The following PARK7 variants were observed in gnomAD, a reference collection of about 807,000 sequenced individuals.
PARK7 encodes the protein Parkinson disease protein 7.
In PARK7, 14 loss-of-function variants were observed where a neutral mutation model predicts 20.5. The ratio of observed to expected loss-of-function variants is 0.68; its 90% CI spans 0.45 to 1.07. The LOEUF is 1.07. Among genes scored for constraint, PARK7 ranks in the 50% least tolerant of loss-of-function variants. The pLI is 0.00. For missense variants in PARK7, 234 were observed against 238.1 expected (o/e 0.98, Z 0.11); for synonymous variants, 98 against 84.3 (o/e 1.16, Z -0.89).
intron 5 of PARK7, among the ~76,000 whole-genome samples, chr1:7,976,329 A>T (rs1640583273): frequency 6.6e-6 from 1 of 152,220 alleles, no homozygotes; most frequent in Non-Finnish European, 1.5e-5. Flanking sequence ...CTTAGAGGAA[A>T]AAGGTAGAAT....
In PARK7 at chr1:7,984,983, G is replaced by A. The variant is rs748211203; in HGVS notation, c.499G>A (p.Ala167Thr). 6 of 1,614,222 alleles carry A rather than the reference G, an allele frequency of 3.7e-6. No individual in the cohort carries two copies. The South Asian group carries it at 5.5e-5, about 15-fold the overall frequency. ...GPGTSFEFAL[A>T]IVEALNGKEV... ...TGGGACCAGCTTCGAGTTTGCGCTT[G>A]CAATTGTTGAAGCCCTGAATGGCAA... Residue 167 changes from alanine (A) to threonine (T), a missense_variant, in exon 7 of 7, where the codon GCA (alanine) becomes ACA (threonine). Physicochemically the swap from Ala to Thr is moderately conservative, Grantham distance 58. Transcript: ENST00000338639. This position sits in a 1 kb window ranked among gnomAD's most constrained non-coding sequence, Gnocchi z 4.3.
Position 7,969,347 on chromosome 1 carries a change from A to G in PARK7, c.195A>G (p.Gly65=). ...CTTTATGTTTTAAACTGTTACAGGG[A>G]CCATATGATGTGGTGGTTCTACCAG... is the stretch of plus-strand genomic sequence containing the variant. ...DASLEDAKKE[G]PYDVVVLPGG... is the part of the protein sequence containing the mutation. The change falls in exon 4 of 7, where the codon GGA becomes GGG. Residue 65 remains glycine (G), a splice_region_variant and synonymous_variant. Transcript: ENST00000338639. 1.2e-6 allele frequency: 2 copies of G among 1,611,100 alleles called. No homozygotes were observed. The highest frequency in any genetic ancestry group is 8.5e-7 in the Non-Finnish European group (1 of 1,177,934).
At chr1:7,977,836 T>A in intron 6 of PARK7, 98 bp downstream of exon 6, 1 of 989,562 alleles carries the variant, frequency 1.0e-6, no homozygotes, top group Non-Finnish European at 1.6e-6. Flanking sequence ...CTTGGCTTAC[T>A]GCAATCCCTG....
chr1:7,985,203 CAG>C lies in PARK7; in HGVS notation c.*153_*154del, dbSNP rs756195290. 1.9e-6 allele frequency: 2 copies of C among 1,045,324 alleles called. No individual in the cohort carries two copies. The highest frequency in any genetic ancestry group is 1.6e-5 in the African/African-American group (1 of 63,268). The allele number at this position is 1,045,324 out of a possible 1,614,324, so 64.8% of individuals were successfully genotyped here. On this transcript the variant is annotated 3_prime_UTR_variant, in exon 7 of 7. Transcript: ENST00000338639. ...CGGAAGTATGGAAGTCACAACTACA[CAG>C]AGATTTCTCAGCCTACAAATTGTGT... is the stretch of plus-strand genomic sequence containing the variant.
At chr1:7,965,663 A>G (rs325960) in intron 3 of PARK7, among the ~76,000 whole-genome samples, 1 of 152,038 alleles carries the variant, frequency 6.6e-6, no homozygotes, top group African/African-American at 2.4e-5. Flanking sequence ...GGCCGGTTGG[A>G]TGTGTGGCCA....
chr1:7,963,010 A>G lies in PARK7; in HGVS notation c.90+135A>G, dbSNP rs1047034065. ...AAAATTTCAGAGATGACATAAGAAT[A>G]AATACCTGTTGATCCACTGCTCACA... On this transcript the variant is annotated intron_variant, in intron 2 of 6. Transcript: ENST00000338639. 5 of 753,524 alleles carry G rather than the reference A, an allele frequency of 6.6e-6. No homozygotes were observed. The African/African-American group carries it at 6.9e-5, about 10-fold the overall frequency. 46.7% of individuals were successfully genotyped at this position (753,524 alleles called of 1,614,324 possible). A position where few individuals can be genotyped will look rare whatever the true frequency, so the allele number is the denominator to read the frequency against.
At chr1:7,974,032 G>GGCT (rs775767070) in intron 5 of PARK7, among the ~76,000 whole-genome samples, 1 of 152,068 alleles carries the variant, frequency 6.6e-6, no homozygotes, top group Non-Finnish European at 1.5e-5. Context: ...TAAACAGGCT[G>GGCT]GCTGTGGTGG....
intron 5 of PARK7, among the ~76,000 whole-genome samples, chr1:7,972,357 A>G (rs1486192895): frequency 6.6e-6 from 1 of 152,160 alleles, no homozygotes; most frequent in African/African-American, 2.4e-5. Context: ...AGTCCCAGCT[A>G]CTCAGGAGGC....
intron 5 of PARK7, among the ~76,000 whole-genome samples, chr1:7,976,548 T>C (rs1269239513): frequency 6.6e-6 from 1 of 152,162 alleles, no homozygotes; most frequent in Non-Finnish European, 1.5e-5. Context: ...TCCATGTGGT[T>C]CTTTGCTTAA....
Position 7,962,801 on chromosome 1 carries a change from G to C in PARK7, c.16G>C (p.Ala6Pro). The change falls in exon 2 of 7, where the codon GCT becomes CCT. Residue 6 changes from alanine (A) to proline (P), a missense_variant. By Grantham distance (27) the Ala-to-Pro change is conservative. Transcript: ENST00000338639. Reference sequence around the variant, plus strand: ...TAACATAAAAATGGCTTCCAAAAGAGCTCTGGTCATCCTGGCTAAAGGAGC... The same window carrying C: ...TAACATAAAAATGGCTTCCAAAAGACCTCTGGTCATCCTGGCTAAAGGAGC... MASKRALVILAKGAEE... is the reference protein window; with the variant it reads MASKRPLVILAKGAEE... 6.2e-7 allele frequency: 1 copy of C among 1,608,856 alleles called. No individual in the cohort carries two copies. The highest frequency in any genetic ancestry group is 1.4e-5 in the African/African-American group (1 of 73,614).
At chr1:7,969,443 G>GT in intron 4 of PARK7, 39 bp downstream of exon 4, 1 of 1,097,546 alleles carries the variant, frequency 9.1e-7, no homozygotes, top group South Asian at 1.3e-5. Flanking sequence ...ATAAAGCTGG[G>GT]GGGGGGGAAA....
chr1:7,983,585 G>A (rs1215995887), intron 6 of PARK7, among the ~76,000 whole-genome samples: 1 of 152,254 alleles, frequency 6.6e-6, no homozygotes. Flanking sequence ...ACCGCAGAGG[G>A]CTCCAGGCCC....
intron 3 of PARK7, among the ~76,000 whole-genome samples, chr1:7,965,778 A>G (rs1280721726): frequency 6.6e-6 from 1 of 152,130 alleles, no homozygotes; most frequent in Non-Finnish European, 1.5e-5. Context: ...TTTACCTGAC[A>G]TAAATCAACT....
intron 4 of PARK7, 127 bp downstream of exon 4, chr1:7,969,531 A>G (rs1640411447): frequency 1.3e-6 from 1 of 755,752 alleles, no homozygotes; most frequent in South Asian, 1.6e-5. Context: ...GGCTGTGAAA[A>G]AAAAATAGAA....
chr1:7,974,582 T>C (rs1275451020), intron 5 of PARK7, among the ~76,000 whole-genome samples: 12 of 151,512 alleles, frequency 7.9e-5, no homozygotes, highest in Admixed American at 6.6e-4. Flanking sequence ...TGAGCCGAGA[T>C]TGCGCCACTG....
rs542591292 is a variant in PARK7 at position 7,975,478 on chromosome 1, A to C, written c.323-2174A>C. On this transcript the variant is annotated intron_variant, in intron 5 of 6. Transcript: ENST00000338639. The stretch of plus-strand genomic sequence containing the variant: ...GTGGTGCTGTTGGCTGCAGAAGGGG[A>C]CATGGTCAGCTGCGCCCTCTGCACT... 1.7e-4 allele frequency among the ~76,000 whole-genome samples: 26 copies of C among 152,230 alleles called. 1 individual carries two copies. In the South Asian group the frequency reaches 5.2e-3, roughly 30 times the overall value.
chr1:7,975,427 G>T (rs984289748), intron 5 of PARK7, among the ~76,000 whole-genome samples: 2 of 152,152 alleles, frequency 1.3e-5, no homozygotes, highest in African/African-American at 4.8e-5. Context: ...GTTGGCAGAG[G>T]TGGTCATTTT....
intron 6 of PARK7, among the ~76,000 whole-genome samples, chr1:7,979,735 C>T (rs1158485529): frequency 6.6e-6 from 1 of 152,198 alleles, no homozygotes; most frequent in South Asian, 2.1e-4. Flanking sequence ...CTCCTGGCCT[C>T]AAGCGATCCT....
chr1:7,978,333 C>A (rs753861946), intron 6 of PARK7, among the ~76,000 whole-genome samples: 114 of 151,614 alleles, frequency 7.5e-4, no homozygotes, highest in Non-Finnish European at 1.1e-3. Flanking sequence ...GCCTCAGCCT[C>A]CCAGAGTGCT....
Sources: gnomAD v4.1 joint callset for allele counts (sites outside exome capture counted in the v4.1 genomes callset) on GRCh38, gnomAD v4.1.1 for gene constraint, Gnocchi (gnomAD v3.1) non-coding constraint, MANE v1.5 for transcripts, NCBI Gene and HGNC (gene_info 2026-07-23, HGNC 2026-07-21) for gene names.